Variants in TENM4 observed in about 807,000 individuals in gnomAD.
TENM4 encodes teneurin transmembrane protein 4.
A neutral mutation model predicts 243.3 loss-of-function variants in TENM4; 82 were observed. That is an observed-to-expected ratio of 0.34 (90% CI 0.28 to 0.40). The LOEUF is 0.40. TENM4 is among the 10% of genes least tolerant of loss of function. The pLI is 1.00. For missense variants in TENM4, 3,138 were observed against 3,673.3 expected (o/e 0.85, Z 3.77); for synonymous variants, 1,412 against 1,456.3 (o/e 0.97, Z 0.69).
At chr11:79,053,483 A>G (rs11826637) in intron 6 of TENM4, among the ~76,000 whole-genome samples, 10,846 of 152,258 alleles carry the variant, frequency 0.071, 431 homozygotes, top group African/African-American at 0.094. Context: ...ATTCAGAACC[A>G]TCTCCTGCTA....
intron 6 of TENM4, chr11:79,014,466 AC>A (rs1350157790): frequency 3.3e-5 from 5 of 152,206 alleles, no homozygotes; most frequent in Admixed American, 3.3e-4. Context: ...CTCAGACGAA[AC>A]CAATACAGCA....
At chr11:79,163,404 CT>C (rs995409189) in intron 3 of TENM4, among the ~76,000 whole-genome samples, 11 of 151,328 alleles carry the variant, frequency 7.3e-5, no homozygotes, top group African/African-American at 2.4e-4. Flanking sequence ...GCCTGCCGAA[CT>C]TTTTTTTTAA....
intron 1 of TENM4, among the ~76,000 whole-genome samples, chr11:79,317,297 A>G (rs951023477): frequency 6.6e-6 from 1 of 152,216 alleles, no homozygotes; most frequent in African/African-American, 2.4e-5. Context: ...CCTATCCTCC[A>G]TAATGAGCCA....
At chr11:79,162,672 C>T (rs1462929420) in intron 3 of TENM4, among the ~76,000 whole-genome samples, 2 of 152,152 alleles carry the variant, frequency 1.3e-5, no homozygotes, top group African/African-American at 4.8e-5. Flanking sequence ...GGACAGCCTT[C>T]GAGTCCTCCT....
At chr11:79,436,730 C>T (rs1392128975) in intron 1 of TENM4, among the ~76,000 whole-genome samples, 6 of 152,154 alleles carry the variant, frequency 3.9e-5, no homozygotes, top group African/African-American at 9.7e-5. Context: ...GTGGCTGATC[C>T]GCTTACCGCA....
chr11:79,325,474 T>A (rs552618762), intron 1 of TENM4, among the ~76,000 whole-genome samples: 1 of 152,328 alleles, frequency 6.6e-6, no homozygotes, highest in Admixed American at 6.5e-5. Flanking sequence ...AATGCCCCAC[T>A]GGTATAACCT....
At chr11:78,751,588 G>A (rs1480084030) in intron 19 of TENM4, among the ~76,000 whole-genome samples, 1 of 152,062 alleles carries the variant, frequency 6.6e-6, no homozygotes, top group African/African-American at 2.4e-5. Flanking sequence ...AATAACCTGG[G>A]GGTGGTTCGT....
intron 3 of TENM4, among the ~76,000 whole-genome samples, chr11:79,159,281 C>T (rs1453529012): frequency 2.0e-5 from 3 of 152,130 alleles, no homozygotes; most frequent in South Asian, 2.1e-4. Flanking sequence ...TTCAAACTAT[C>T]GATTGATCAC....
At chr11:78,928,110 C>A (rs1442925418) in intron 6 of TENM4, among the ~76,000 whole-genome samples, 4 of 152,106 alleles carry the variant, frequency 2.6e-5, no homozygotes, top group African/African-American at 9.7e-5. Context: ...ACACCACCAC[C>A]CATCCCTAGA....
At chr11:79,323,986 GA>G (rs367594140) in intron 1 of TENM4, among the ~76,000 whole-genome samples, 1 of 152,170 alleles carries the variant, frequency 6.6e-6, no homozygotes, top group East Asian at 1.9e-4. Context: ...ATCCTTGGGG[GA>G]TTGGTTGCAG....
intron 28 of TENM4, among the ~76,000 whole-genome samples, 178 bp from the exon 29 acceptor site, chr11:78,688,404 C>T (rs1009808561): frequency 6.6e-6 from 1 of 152,162 alleles, no homozygotes; most frequent in African/African-American, 2.4e-5. Context: ...CAGGATGTGA[C>T]TCCACCTGCT....
intron 29 of TENM4, among the ~76,000 whole-genome samples, chr11:78,686,272 G>T (rs917391462): frequency 6.6e-6 from 1 of 152,198 alleles, no homozygotes; most frequent in Non-Finnish European, 1.5e-5. Flanking sequence ...ACATACGGAG[G>T]TCCATGGAGG....
At chr11:79,123,046 G>T (rs1454795970) in intron 4 of TENM4, among the ~76,000 whole-genome samples, 1 of 152,178 alleles carries the variant, frequency 6.6e-6, no homozygotes, top group African/African-American at 2.4e-5. Flanking sequence ...GCCAGTGGGG[G>T]CAGAAAACAA....
intron 2 of TENM4, among the ~76,000 whole-genome samples, chr11:79,283,213 AACACACAC>A (rs33993080): frequency 8.2e-4 from 111 of 136,036 alleles, no homozygotes; most frequent in African/African-American, 1.6e-3. Flanking sequence ...CACACACACA[AACACACAC>A]ACACACACAC....
At chr11:78,659,970 G>A (rs1357958087) in intron 33 of TENM4, among the ~76,000 whole-genome samples, 5 of 152,214 alleles carry the variant, frequency 3.3e-5, no homozygotes, top group African/African-American at 4.8e-5. Flanking sequence ...AGAGTTTCAC[G>A]AAAGCTGGAG....
chr11:79,067,530 C>T (rs1001781265), intron 5 of TENM4, among the ~76,000 whole-genome samples: 1 of 151,072 alleles, frequency 6.6e-6, no homozygotes, highest in African/African-American at 2.4e-5. Flanking sequence ...GCCTGGGCTG[C>T]ATTGATTTCC....
chr11:79,243,975 G>A (rs946013214), intron 2 of TENM4, among the ~76,000 whole-genome samples: 1 of 152,186 alleles, frequency 6.6e-6, no homozygotes, highest in Non-Finnish European at 1.5e-5. Flanking sequence ...GGTGGAGCCT[G>A]AGAGTGCATT....
intron 14 of TENM4, among the ~76,000 whole-genome samples, chr11:78,806,054 T>C (rs975456639): frequency 6.6e-6 from 1 of 151,524 alleles, no homozygotes; most frequent in Non-Finnish European, 1.5e-5. Flanking sequence ...CTTTGGGAGG[T>C]TGGGGTGGGA....
At chr11:79,409,790 A>G (rs1226931982) in intron 1 of TENM4, among the ~76,000 whole-genome samples, 1 of 152,192 alleles carries the variant, frequency 6.6e-6, no homozygotes, top group Non-Finnish European at 1.5e-5. Flanking sequence ...TCCACAACCA[A>G]TGAGGAACAT....
Sources: allele counts gnomAD v4.1 joint callset (sites outside exome capture counted in the v4.1 genomes callset), GRCh38; gene constraint gnomAD v4.1.1; transcripts MANE v1.5; gene names NCBI Gene and HGNC (gene_info 2026-07-23, HGNC 2026-07-21).